The following ROBO1 variants were observed in gnomAD, a reference collection of about 807,000 sequenced individuals.
ROBO1 encodes roundabout homolog 1.
In ROBO1, 149 loss-of-function variants were observed where a neutral mutation model predicts 195.9. That is an observed-to-expected ratio of 0.76 (90% CI 0.67 to 0.87). The LOEUF is 0.87. ROBO1 is among the 40% of genes least tolerant of loss of function. The pLI is 0.00. For synonymous variants in ROBO1, 816 were observed against 733.2 expected (o/e 1.11, Z -1.82); for missense variants, 1,933 against 2,068.3 (o/e 0.93, Z 1.27).
chr3:79,251,687 T>G (rs1184255384), intron 2 of ROBO1, among the ~76,000 whole-genome samples: 1 of 150,410 alleles, frequency 6.6e-6, no homozygotes, highest in African/African-American at 2.5e-5. Flanking sequence ...GAAGGCAGAG[T>G]TGCAGTGATC....
rs1306263381 is a variant in ROBO1, at chr3:79,568,504, T to A, written c.88+21320A>T. 4.0e-5 allele frequency among the ~76,000 whole-genome samples: 6 copies of A among 150,408 alleles called. No homozygotes were observed. The East Asian group carries it at 1.2e-3, about 30-fold the overall frequency. ...TGAAAAAAAAAAAAAAACAGATTGA[T>A]TGAATTTTTTTCTTTTTCTCATTGG... On this transcript the variant is annotated intron_variant, in intron 2 of 30. Transcript: ENST00000464233.
intron 2 of ROBO1, among the ~76,000 whole-genome samples, chr3:79,561,841 C>G (rs141974013): frequency 5.3e-5 from 8 of 152,104 alleles, no homozygotes; most frequent in Non-Finnish European, 1.0e-4. Context: ...TCACTGGGTT[C>G]AGAAAAATTC....
intron 2 of ROBO1, among the ~76,000 whole-genome samples, chr3:79,140,788 C>A (rs139000455): frequency 5.9e-5 from 9 of 152,084 alleles, no homozygotes; most frequent in African/African-American, 2.2e-4. Context: ...TTGAAAATGT[C>A]ATTTTTGTCT....
Position 78,767,717 on chromosome 3 carries a change from T to TGTTC in ROBO1, c.500-20821_500-20818dup, listed in dbSNP as rs535279793. Among the ~76,000 whole-genome samples, 28 of 152,314 alleles carry TGTTC rather than the reference T, an allele frequency of 1.8e-4. No homozygotes were observed. In the South Asian group the frequency reaches 5.8e-3, roughly 32 times the overall value. On this transcript the variant is annotated intron_variant, in intron 4 of 30. Coordinates refer to ENST00000464233, the MANE Select transcript of ROBO1 (RefSeq NM_002941.4). ...GTTTTCTAGTTTATGTGTGGAAAGG[T>TGTTC]GTTCATAGTAACCTCAAATGATCTT... is the stretch of plus-strand genomic sequence containing the variant.
chr3:79,626,344 G>A (rs1168029031), intron 1 of ROBO1, among the ~76,000 whole-genome samples: 1 of 152,108 alleles, frequency 6.6e-6, no homozygotes, highest in African/African-American at 2.4e-5. Flanking sequence ...GGCCGAGGCA[G>A]GAATATCACT....
At chr3:79,734,872 C>A (rs966037634) in intron 1 of ROBO1, among the ~76,000 whole-genome samples, 1 of 152,144 alleles carries the variant, frequency 6.6e-6, no homozygotes, top group Non-Finnish European at 1.5e-5. Flanking sequence ...AAATAGCTAA[C>A]CCTGGGCATT....
chr3:79,493,949 T>C (rs566430213), intron 2 of ROBO1, among the ~76,000 whole-genome samples: 104 of 152,352 alleles, frequency 6.8e-4, no homozygotes, highest in African/African-American at 2.2e-3. Context: ...GTATTCATTG[T>C]ATCAAACTAT....
chr3:79,331,032 T>C (rs987331474), intron 2 of ROBO1, among the ~76,000 whole-genome samples: 3 of 152,248 alleles, frequency 2.0e-5, no homozygotes, highest in Non-Finnish European at 4.4e-5. Flanking sequence ...AGAGTCTTTC[T>C]ACACTTGATA....
chr3:79,389,622 G>A (rs946792287), intron 2 of ROBO1, among the ~76,000 whole-genome samples: 2 of 152,200 alleles, frequency 1.3e-5, no homozygotes, highest in Admixed American at 1.3e-4. Context: ...ATTGGTCACT[G>A]TGAAGAGGCA....
intron 2 of ROBO1, among the ~76,000 whole-genome samples, chr3:79,293,503 C>T (rs1458771823): frequency 6.6e-6 from 1 of 152,058 alleles, no homozygotes; most frequent in Non-Finnish European, 1.5e-5. Context: ...CCCATTTTCT[C>T]CTGTGGTCCT....
chr3:78,761,442 C>CT (rs2083102767), intron 4 of ROBO1, among the ~76,000 whole-genome samples: 1 of 152,028 alleles, frequency 6.6e-6, no homozygotes, highest in Admixed American at 6.6e-5. Flanking sequence ...GGCTTTTTGA[C>CT]TATTTTTAAC....
intron 4 of ROBO1, among the ~76,000 whole-genome samples, chr3:78,924,001 T>A (rs769925780): frequency 4.2e-4 from 64 of 151,880 alleles, no homozygotes; most frequent in Non-Finnish European, 8.8e-5. Flanking sequence ...ATGTCTAAAT[T>A]GAGTCAACTC....
chr3:79,432,007 T>C (rs2038697776), intron 2 of ROBO1, among the ~76,000 whole-genome samples: 1 of 152,120 alleles, frequency 6.6e-6, no homozygotes, highest in Admixed American at 6.6e-5. Context: ...GATAATCTAA[T>C]TACTAAATTG....
rs148390099 is a variant in ROBO1, at chr3:79,457,911, G to A, written c.88+131913C>T. Among the ~76,000 whole-genome samples the A allele has an allele frequency of 8.7e-3, 1,325 of 152,240 alleles. 6 individuals carry two copies. The highest frequency in any genetic ancestry group is 0.014 in the Middle Eastern group (4 of 294). On this transcript the variant is annotated intron_variant, in intron 2 of 30. Coordinates refer to ENST00000464233, the MANE Select transcript of ROBO1 (RefSeq NM_002941.4). ...AGAAAGAAAGAATGATACAGGGAAAGAAGATGGAGGTGAAGGTCAGCTCTG... is the reference window on the plus strand; with the variant it reads ...AGAAAGAAAGAATGATACAGGGAAAAAAGATGGAGGTGAAGGTCAGCTCTG...
chr3:78,963,644 G>A (rs1372385320), intron 3 of ROBO1, among the ~76,000 whole-genome samples: 1 of 151,296 alleles, frequency 6.6e-6, no homozygotes, highest in Non-Finnish European at 1.5e-5. Flanking sequence ...TCAGCCTCCG[G>A]AGTAGCTGGG....
In ROBO1 at chr3:79,531,622, T is replaced by A. The variant is rs1015254067; in HGVS notation, c.88+58202A>T. Among the ~76,000 whole-genome samples, 23 of 152,298 alleles carry A rather than the reference T, an allele frequency of 1.5e-4. 1 individual carries two copies. The East Asian group carries it at 3.9e-3, about 26-fold the overall frequency. On this transcript the variant is annotated intron_variant, in intron 2 of 30. Coordinates refer to ENST00000464233, the MANE Select transcript of ROBO1 (RefSeq NM_002941.4). ...TTAAATATACACATGGCTTGAATTT[T>A]AAGGTAGTATACTAGAAACGCTGGC...
At chr3:78,748,526 T>C (rs1399319020) in intron 4 of ROBO1, among the ~76,000 whole-genome samples, 1 of 152,106 alleles carries the variant, frequency 6.6e-6, no homozygotes, top group Non-Finnish European at 1.5e-5. Flanking sequence ...TACTATAATT[T>C]TGTACTGGAA....
chr3:79,502,309 G>C (rs1940123125), intron 2 of ROBO1, among the ~76,000 whole-genome samples: 1 of 152,174 alleles, frequency 6.6e-6, no homozygotes, highest in South Asian at 2.1e-4. Flanking sequence ...GGGCCAGCGC[G>C]AGTTCCGGGT....
At chr3:78,921,492 T>G (rs1352736314) in intron 4 of ROBO1, among the ~76,000 whole-genome samples, 1 of 152,216 alleles carries the variant, frequency 6.6e-6, no homozygotes, top group Non-Finnish European at 1.5e-5. Context: ...ACAGGTCATT[T>G]TGAAATGAGA....
Sources: gnomAD v4.1 joint callset for allele counts (sites outside exome capture counted in the v4.1 genomes callset) on GRCh38, gnomAD v4.1.1 for gene constraint, MANE v1.5 for transcripts, NCBI Gene and HGNC (gene_info 2026-07-23, HGNC 2026-07-21) for gene names.